The following RABGEF1 variants were observed in gnomAD, a reference collection of about 807,000 sequenced individuals.
The protein encoded by RABGEF1 is RAB guanine nucleotide exchange factor 1, also known as rab5 GDP/GTP exchange factor.
Under a neutral mutation model 57.3 loss-of-function variants are expected in RABGEF1, and 26 were observed. That is an observed-to-expected ratio of 0.45 (90% CI 0.33 to 0.63). The LOEUF is 0.63. Among genes scored for constraint, RABGEF1 ranks in the 20% least tolerant of loss-of-function variants. The pLI is 0.02. For synonymous variants in RABGEF1, 185 were observed against 210.7 expected, an observed-to-expected ratio of 0.88 and a Z score of 1.06; for missense variants, 464 against 607.6, an observed-to-expected ratio of 0.76 and a Z score of 2.48.
chr7:66,704,176 C>T (rs2117289421), intron 1 of RABGEF1, among the ~76,000 whole-genome samples: 1 of 152,320 alleles, frequency 6.6e-6, no homozygotes, highest in Admixed American at 6.5e-5. Context: ...CTGTCACCAC[C>T]ACAGCCACCT....
chr7:66,809,115 A>T lies in RABGEF1; in HGVS notation c.1307A>T (p.Lys436Ile). 6.2e-7 allele frequency: 1 copy of T among 1,614,202 alleles called. No homozygotes were observed. The highest frequency in any genetic ancestry group is 8.5e-7 in the Non-Finnish European group (1 of 1,180,032). Residue 436 changes from lysine to isoleucine, a missense_variant, in exon 9 of 9, where the codon AAA becomes ATA. Around this residue, in one of 4 missense-constraint regions of RABGEF1, gnomAD observed 151 missense variants for 152.2 expected, o/e 0.99. Transcript: ENST00000284957. Reference protein sequence around the residue: ...RIMNEAKKLEKDLIDWTDGIA... With the variant: ...RIMNEAKKLEIDLIDWTDGIA... ...ATGAATGAAGCCAAGAAACTGGAAA[A>T]AGACCTCATAGATTGGACAGATGGA...
chr7:66,754,685 G>A (rs1342257169), intron 1 of RABGEF1, among the ~76,000 whole-genome samples: 1 of 152,122 alleles, frequency 6.6e-6, no homozygotes, highest in African/African-American at 2.4e-5. Context: ...AAAGCTTAGA[G>A]CATAACACAA....
intron 2 of RABGEF1, among the ~76,000 whole-genome samples, chr7:66,713,841 G>A (rs556646164): frequency 6.6e-6 from 1 of 152,306 alleles, no homozygotes; most frequent in South Asian, 2.1e-4. Context: ...GTGTTGGTAT[G>A]TTTTTCTTCT....
chr7:66,765,268 G>T (rs1043018737), intron 1 of RABGEF1, among the ~76,000 whole-genome samples: 1 of 151,956 alleles, frequency 6.6e-6, no homozygotes, highest in Non-Finnish European at 1.5e-5. Flanking sequence ...TTGGAGTGCA[G>T]ATAGGACTGA....
intron 1 of RABGEF1, among the ~76,000 whole-genome samples, chr7:66,700,884 C>T (rs193125376): frequency 7.4e-5 from 11 of 148,024 alleles, no homozygotes; most frequent in Non-Finnish European, 1.6e-4. Flanking sequence ...CCTGTCCAGA[C>T]TCTCATACTG....
chr7:66,660,824 A>C, the RABGEF1 span, among the ~76,000 whole-genome samples: 6 of 152,232 alleles, frequency 3.9e-5, no homozygotes, highest in African/African-American at 1.4e-4. Flanking sequence ...TTTCTAACTC[A>C]TTCTATGAGG....
chr7:66,745,045 A>G (rs2129053265), intron 1 of RABGEF1, among the ~76,000 whole-genome samples: 1 of 152,250 alleles, frequency 6.6e-6, no homozygotes, highest in East Asian at 1.9e-4. Flanking sequence ...ACAAAAAATT[A>G]GCCGGGCATG....
At chr7:66,674,480 G>A in the RABGEF1 span, among the ~76,000 whole-genome samples, 4 of 151,948 alleles carry the variant, frequency 2.6e-5, no homozygotes, top group African/African-American at 7.3e-5. Context: ...GAGCCACTGC[G>A]CCCGTCCTAA....
chr7:66,781,241 A>G (rs1206117242), intron 3 of RABGEF1, among the ~76,000 whole-genome samples: 3 of 152,176 alleles, frequency 2.0e-5, no homozygotes, highest in Non-Finnish European at 4.4e-5. Context: ...TCTTTAACTT[A>G]CCTACCTTCA....
chr7:66,717,926 G>T (rs1449138975), intron 2 of RABGEF1, among the ~76,000 whole-genome samples: 2 of 152,102 alleles, frequency 1.3e-5, no homozygotes, highest in Admixed American at 6.5e-5. Context: ...TGAACTCATT[G>T]AGTTAATTTT....
At chr7:66,701,153 C>G (rs1430729308) in intron 1 of RABGEF1, among the ~76,000 whole-genome samples, 4 of 152,174 alleles carry the variant, frequency 2.6e-5, no homozygotes, top group Non-Finnish European at 4.4e-5. Flanking sequence ...TAGACAGGCA[C>G]TGCCATCCAT....
chr7:66,655,878 T>C, the RABGEF1 span, among the ~76,000 whole-genome samples: 4 of 152,240 alleles, frequency 2.6e-5, no homozygotes, highest in African/African-American at 7.2e-5. Flanking sequence ...CTCTAGAAGT[T>C]AGCCAGTTGA....
intron 2 of RABGEF1, among the ~76,000 whole-genome samples, chr7:66,712,823 C>CT (rs199734132): frequency 0.039 from 5,541 of 140,342 alleles, 147 homozygotes; most frequent in Middle Eastern, 0.093. Flanking sequence ...ATTTCCTTTC[C>CT]TTTTTTTTTT....
intron 4 of RABGEF1, among the ~76,000 whole-genome samples, chr7:66,794,381 C>T (rs1256992282): frequency 6.6e-5 from 10 of 151,564 alleles, no homozygotes; most frequent in Non-Finnish European, 1.0e-4. Context: ...GCCTCAAACT[C>T]CTAGGCTCAA....
chr7:66,692,992 G>C (rs1013489208), intron 1 of RABGEF1, among the ~76,000 whole-genome samples: 2 of 152,152 alleles, frequency 1.3e-5, no homozygotes, highest in African/African-American at 4.8e-5. Context: ...GCACCTCCCT[G>C]CTGGGGATCT....
chr7:66,698,599 CA>C (rs1471623754), intron 1 of RABGEF1, among the ~76,000 whole-genome samples: 1 of 152,154 alleles, frequency 6.6e-6, no homozygotes, highest in Non-Finnish European at 1.5e-5. Context: ...AGGGCAGAGG[CA>C]GCAGTTTAGC....
intron 1 of RABGEF1, among the ~76,000 whole-genome samples, chr7:66,694,365 T>C (rs1792000980): frequency 6.6e-6 from 1 of 152,088 alleles, no homozygotes; most frequent in Non-Finnish European, 1.5e-5. Flanking sequence ...GCAGTGATGG[T>C]CGGGAGAAGA....
At chr7:66,682,468 C>T (rs1260010236) in intron 1 of RABGEF1, among the ~76,000 whole-genome samples, 2 of 152,222 alleles carry the variant, frequency 1.3e-5, no homozygotes, top group African/African-American at 4.8e-5. Flanking sequence ...AGTGCGCGGC[C>T]TCTCCGTCCA....
chr7:66,677,939 C>T (rs1032800067), upstream of RABGEF1, among the ~76,000 whole-genome samples: 1 of 151,700 alleles, frequency 6.6e-6, no homozygotes, highest in African/African-American at 2.4e-5. Flanking sequence ...GTGGCGTGCA[C>T]CTGTAGTCCC....
Sources: allele counts gnomAD v4.1 joint callset (sites outside exome capture counted in the v4.1 genomes callset), GRCh38; gene constraint gnomAD v4.1.1; regional missense constraint gnomAD v4.1.1; transcripts MANE v1.5; gene names NCBI Gene and HGNC (gene_info 2026-07-23, HGNC 2026-07-21).